The following MSRA variants were observed in gnomAD, a reference collection of about 807,000 sequenced individuals.
The protein encoded by MSRA is methionine sulfoxide reductase A.
MSRA carries 54 observed loss-of-function variants against 31.3 expected under a neutral mutation model. The observed-to-expected ratio is 1.73, with a 90% confidence interval of 1.39 to 2.17. The LOEUF (loss-of-function observed/expected upper bound fraction) is 2.17, where lower values mean the gene tolerates loss of function less well. MSRA is among the 30% of genes most tolerant of loss of function. The pLI is 0.00. For synonymous variants in MSRA, 169 were observed against 116.5 expected, an observed-to-expected ratio of 1.45 and a Z score of -2.90; for missense variants, 507 against 300.9, an observed-to-expected ratio of 1.69 and a Z score of -5.07.
At chr8:10,244,180 C>A (rs1797487674) in intron 2 of MSRA, among the ~76,000 whole-genome samples, 1 of 152,136 alleles carries the variant, frequency 6.6e-6, no homozygotes, top group Non-Finnish European at 1.5e-5. Context: ...TACGTAACTT[C>A]ATAAAGCCAT....
At chr8:10,271,591 G>A (rs948096967) in intron 3 of MSRA, among the ~76,000 whole-genome samples, 1 of 21,210 alleles carries the variant, frequency 4.7e-5, no homozygotes, top group African/African-American at 1.2e-4. Flanking sequence ...ATTAAAAATT[G>A]TTTTATCTCT....
At chr8:10,151,817 G>C (rs568464929) in intron 1 of MSRA, among the ~76,000 whole-genome samples, 2 of 152,124 alleles carry the variant, frequency 1.3e-5, no homozygotes, top group African/African-American at 2.4e-5. Flanking sequence ...CTTATTCTGC[G>C]TGTGTCACTT....
At chr8:10,313,058 C>T (rs1362007858) in intron 4 of MSRA, among the ~76,000 whole-genome samples, 2 of 152,180 alleles carry the variant, frequency 1.3e-5, no homozygotes, top group African/African-American at 4.8e-5. Context: ...GAAAAATCCA[C>T]TAGATACCTA....
intron 1 of MSRA, among the ~76,000 whole-genome samples, chr8:10,085,269 C>T (rs1029831607): frequency 1.3e-5 from 2 of 152,194 alleles, no homozygotes; most frequent in African/African-American, 2.4e-5. Flanking sequence ...CCCTATTCCA[C>T]GTTTCTGATT....
intron 1 of MSRA, among the ~76,000 whole-genome samples, chr8:10,069,588 G>A (rs972977513): frequency 1.3e-5 from 2 of 152,230 alleles, no homozygotes; most frequent in South Asian, 4.1e-4. Context: ...CTCTGGATTG[G>A]AGAAACAGTG....
intron 1 of MSRA, among the ~76,000 whole-genome samples, chr8:10,182,169 G>T (rs1251455448): frequency 6.6e-6 from 1 of 152,088 alleles, no homozygotes; most frequent in African/African-American, 2.4e-5. Flanking sequence ...CCTCTAAGCT[G>T]CAGCAGCTAT....
chr8:10,160,001 A>G (rs1804496989), intron 1 of MSRA, among the ~76,000 whole-genome samples: 2 of 151,984 alleles, frequency 1.3e-5, no homozygotes, highest in African/African-American at 4.8e-5. Flanking sequence ...TCTTTAAAAA[A>G]CCCTTTAGAA....
At chr8:10,187,670 C>T (rs1383997224) in intron 1 of MSRA, among the ~76,000 whole-genome samples, 1 of 152,194 alleles carries the variant, frequency 6.6e-6, no homozygotes, top group Admixed American at 6.5e-5. Flanking sequence ...TTTGATTACA[C>T]TAAGCGTTAC....
At chr8:10,383,013 G>T (rs1284246826) in intron 5 of MSRA, among the ~76,000 whole-genome samples, 8 of 152,204 alleles carry the variant, frequency 5.3e-5, no homozygotes, top group Non-Finnish European at 1.2e-4. Flanking sequence ...TTTTGAAATG[G>T]GCAAGAGGTA....
intron 1 of MSRA, among the ~76,000 whole-genome samples, chr8:10,172,424 G>C (rs780770138): frequency 6.6e-6 from 1 of 152,104 alleles, no homozygotes; most frequent in African/African-American, 2.4e-5. Flanking sequence ...GAAGAGTCCA[G>C]CTGTGGTCAG....
At chr8:10,065,068 G>C (rs1180666870) in intron 1 of MSRA, among the ~76,000 whole-genome samples, 1 of 152,036 alleles carries the variant, frequency 6.6e-6, no homozygotes, top group Non-Finnish European at 1.5e-5. Flanking sequence ...CTTCCTGAGA[G>C]GCAGTTTACA....
chr8:10,066,693 C>T (rs1339711711), intron 1 of MSRA, among the ~76,000 whole-genome samples: 1 of 152,038 alleles, frequency 6.6e-6, no homozygotes, highest in Non-Finnish European at 1.5e-5. Context: ...GTCACCAGAC[C>T]TAGCTATTTT....
intron 5 of MSRA, among the ~76,000 whole-genome samples, chr8:10,389,762 G>GTT (rs1806617800): frequency 8.9e-6 from 1 of 112,528 alleles, no homozygotes; most frequent in Non-Finnish European, 2.0e-5. Flanking sequence ...TTTTTTTAAA[G>GTT]TCTTTTTTTT....
chr8:10,385,312 C>A (rs1056045728), intron 5 of MSRA, among the ~76,000 whole-genome samples: 1 of 152,192 alleles, frequency 6.6e-6, no homozygotes, highest in East Asian at 1.9e-4. Context: ...ACCAGCTTAA[C>A]AGGATTCTTA....
At chr8:10,335,250 GTTTTTTTTT>G (rs1170264568) in intron 5 of MSRA, among the ~76,000 whole-genome samples, 3 of 79,884 alleles carry the variant, frequency 3.8e-5, no homozygotes, top group African/African-American at 5.4e-5. Context: ...TCCCAGCTCT[GTTTTTTTTT>G]TTTTTTTTTT....
chr8:10,413,083 T>G (rs1328555945), intron 5 of MSRA, among the ~76,000 whole-genome samples: 2 of 152,190 alleles, frequency 1.3e-5, no homozygotes, highest in African/African-American at 2.4e-5. Context: ...TGGCCTTCAG[T>G]TGGGAAATGG....
chr8:10,149,913 TTTTTTTG>T (rs1013045606), intron 1 of MSRA, among the ~76,000 whole-genome samples: 1 of 4,714 alleles, frequency 2.1e-4, no homozygotes, highest in African/African-American at 3.4e-4. Flanking sequence ...TTTTTTTTTT[TTTTTTTG>T]GCCAACTTTA....
In MSRA at chr8:10,348,357, C is replaced by CTTTTTTT. The variant is rs34083972; in HGVS notation, c.543+28387_543+28393dup. 6.1e-4 allele frequency among the ~76,000 whole-genome samples: 39 copies of CTTTTTTT among 64,270 alleles called. 1 individual carries two copies. Among genetic ancestry groups the CTTTTTTT allele is most frequent in the Admixed American group, 1.0e-3 (4 of 3,892 alleles). 42.2% of individuals were successfully genotyped at this position (64,270 alleles called of 152,430 possible). On this transcript the variant is annotated intron_variant, in intron 5 of 5. Coordinates refer to ENST00000317173, the MANE Select transcript of MSRA (RefSeq NM_012331.5). ...CCAACTTATATCCAGAAATTATTGC[C>CTTTTTTT]TTTTTTTTTTTTTTTTTTTTTTTTT... is the stretch of plus-strand genomic sequence containing the variant.
At chr8:10,087,457 C>A (rs76600074) in intron 1 of MSRA, among the ~76,000 whole-genome samples, 1 of 152,128 alleles carries the variant, frequency 6.6e-6, no homozygotes, top group African/African-American at 2.4e-5. Context: ...GAGAATTGTT[C>A]GAGTGAATGG....
Sources: allele counts gnomAD v4.1 joint callset (sites outside exome capture counted in the v4.1 genomes callset), GRCh38; gene constraint gnomAD v4.1.1; transcripts MANE v1.5; gene names NCBI Gene and HGNC (gene_info 2026-07-23, HGNC 2026-07-21).